Variants in OR2T12 observed in about 807,000 individuals in gnomAD.
OR2T12 encodes olfactory receptor 2T12.
For missense variants in OR2T12, 335 were observed against 404.3 expected, an observed-to-expected ratio of 0.83 and a Z score of 1.47; for synonymous variants, 127 against 160.5, an observed-to-expected ratio of 0.79 and a Z score of 1.58.
At chr1:248,299,046 G>C (rs1350088188) in intron 2 of OR2T12, among the ~76,000 whole-genome samples, 10 of 152,114 alleles carry the variant, frequency 6.6e-5, no homozygotes, top group Admixed American at 2.6e-4. Context: ...CACTAAACAT[G>C]GAAAGGAACA....
chr1:248,299,742 GCACCA>G (rs1411102770), intron 2 of OR2T12, among the ~76,000 whole-genome samples: 1 of 151,962 alleles, frequency 6.6e-6, no homozygotes, highest in Non-Finnish European at 1.5e-5. Context: ...ATTTTTTTCA[GCACCA>G]CACCACACCT....
At chr1:248,295,768 A>G (rs1659716366) in intron 2 of OR2T12, among the ~76,000 whole-genome samples, 182 bp from the exon 3 acceptor site, 1 of 152,134 alleles carries the variant, frequency 6.6e-6, no homozygotes, top group Non-Finnish European at 1.5e-5. Context: ...CTATAGCTCA[A>G]CTTTTTAATG....
chr1:248,290,200 G>C lies in OR2T12; in HGVS notation c.*4416C>G, dbSNP rs961102050. On this transcript the variant is annotated 3_prime_UTR_variant, in exon 3 of 3. Coordinates refer to ENST00000641276, the MANE Select transcript of OR2T12 (RefSeq NM_001004692.2). ...GAACAGAGGCCTCATAAACAGAAAAGAGGCCTCAGAATTAATGCCATACAA... is the reference window on the plus strand; with the variant it reads ...GAACAGAGGCCTCATAAACAGAAAACAGGCCTCAGAATTAATGCCATACAA... 2.1e-4 allele frequency: 32 copies of C among 151,866 alleles called. No homozygotes were observed. Among genetic ancestry groups the C allele is most frequent in the African/African-American group, 7.7e-4 (32 of 41,322 alleles). The allele number at this position is 151,866 out of a possible 1,614,324, so 9.4% of individuals were successfully genotyped here. A position where few individuals can be genotyped will look rare whatever the true frequency, so the allele number is the denominator to read the frequency against.
rs1409586329 is a variant in OR2T12, at chr1:248,290,245, C to A, written c.*4371G>T. The A allele has an allele frequency of 6.6e-6, 1 of 152,058 alleles. No individual in the cohort carries two copies. The highest frequency in any genetic ancestry group is 1.5e-5 in the Non-Finnish European group (1 of 68,042). 9.4% of individuals were successfully genotyped at this position (152,058 alleles called of 1,614,324 possible). The stretch of plus-strand genomic sequence containing the variant: ...ATACAACCATCTGTTCTTTGACAAC[C>A]CTGACAAAAACAAGCAATGGGGAAA... On this transcript the variant is annotated 3_prime_UTR_variant, in exon 3 of 3. Coordinates refer to ENST00000641276, the MANE Select transcript of OR2T12 (RefSeq NM_001004692.2).
chr1:248,295,787 G>A (rs1477579560), intron 2 of OR2T12, among the ~76,000 whole-genome samples: 1 of 152,108 alleles, frequency 6.6e-6, no homozygotes, highest in African/African-American at 2.4e-5. Flanking sequence ...TGTTCTAACT[G>A]AGATCATGTA....
In OR2T12 at chr1:248,294,691, C is replaced by G. The variant is rs11204625; in HGVS notation, c.888G>C (p.Lys296Asn). The G allele has an allele frequency of 0.18, 293,136 of 1,613,900 alleles. 30,115 individuals are homozygous for G. The highest frequency in any genetic ancestry group is 0.35 in the East Asian group (15,823 of 44,848). Residue 296 changes from lysine (K) to asparagine (N), a missense_variant, in exon 3 of 3, where the codon AAG becomes AAC. Lys to Asn is a moderately conservative substitution (Grantham distance 94, BLOSUM62 0). Transcript: ENST00000641276. The part of the protein sequence containing the change: ...LIYSVRNSEV[K>N]EALKRWLGTC... ...TCCCCAGCCACCGTTTCAGGGCTTCCTTGACCTCACTGTTCCTCACACTGT... is the reference window on the plus strand; with the variant it reads ...TCCCCAGCCACCGTTTCAGGGCTTCGTTGACCTCACTGTTCCTCACACTGT...
Position 248,294,739 on chromosome 1 carries a change from G to A in OR2T12, c.840C>T (p.Thr280=). The change falls in exon 3 of 3, where the codon ACC becomes ACT. Residue 280 remains threonine (T), a synonymous_variant. Coordinates refer to ENST00000641276, the MANE Select transcript of OR2T12 (RefSeq NM_001004692.2). ...TGTAGATGAGGGGATTTAGTAAAGG[G>A]GTGAACATAGTATAGAAGGCTGACA... ...KVVSAFYTMF[T]PLLNPLIYSV... 6.2e-7 allele frequency: 1 copy of A among 1,614,034 alleles called. No individual in the cohort carries two copies. The highest frequency in any genetic ancestry group is 8.5e-7 in the Non-Finnish European group (1 of 1,180,006).
Position 248,293,848 on chromosome 1 carries a change from G to A in OR2T12, c.*768C>T, listed in dbSNP as rs1161745484. 1.3e-5 allele frequency: 2 copies of A among 151,454 alleles called. No homozygotes were observed. Among genetic ancestry groups the A allele is most frequent in the African/African-American group, 2.4e-5 (1 of 41,242 alleles). The allele number at this position is 151,454 out of a possible 1,614,324, so 9.4% of individuals were successfully genotyped here. On this transcript the variant is annotated 3_prime_UTR_variant, in exon 3 of 3. Coordinates refer to ENST00000641276, the MANE Select transcript of OR2T12 (RefSeq NM_001004692.2). ...CAATTACAATGACGCTCTTGGAAAAGATAAATATTACTTATATAAAAAATT... is the reference window on the plus strand; with the variant it reads ...CAATTACAATGACGCTCTTGGAAAAAATAAATATTACTTATATAAAAAATT...
chr1:248,296,457 T>G (rs1659729828), intron 2 of OR2T12, among the ~76,000 whole-genome samples: 1 of 152,226 alleles, frequency 6.6e-6, no homozygotes, highest in Admixed American at 6.5e-5. Flanking sequence ...TTGAACGAGT[T>G]TACAGCCCCA....
rs1659602905 is a variant in OR2T12, at chr1:248,290,295, T to C, written c.*4321A>G. ...AGGATTCCCTATTTAATTCCACTTATGAATGAGAACATGCGGTGTTTGGTT... is the reference window on the plus strand; with the variant it reads ...AGGATTCCCTATTTAATTCCACTTACGAATGAGAACATGCGGTGTTTGGTT... On this transcript the variant is annotated 3_prime_UTR_variant, in exon 3 of 3. Coordinates refer to ENST00000641276, the MANE Select transcript of OR2T12 (RefSeq NM_001004692.2). 6.6e-6 allele frequency: 1 copy of C among 152,184 alleles called. No homozygotes were observed. The highest frequency in any genetic ancestry group is 2.4e-5 in the African/African-American group (1 of 41,438). The allele number at this position is 152,184 out of a possible 1,614,324, so 9.4% of individuals were successfully genotyped here.
rs1441402442 is a variant in OR2T12, at chr1:248,290,917, A to C, written c.*3699T>G. 6.6e-6 allele frequency: 1 copy of C among 151,858 alleles called. No homozygotes were observed. The highest frequency in any genetic ancestry group is 1.9e-4 in the East Asian group (1 of 5,180). The allele number at this position is 151,858 out of a possible 1,614,324, so 9.4% of individuals were successfully genotyped here. A position where few individuals can be genotyped will look rare whatever the true frequency, so the allele number is the denominator to read the frequency against. Reference sequence around the variant, plus strand: ...ATTTCTATAAGGACCAGTGATGATGAGCTTTTTTTCATATATTTCTTGGCC... The same window carrying C: ...ATTTCTATAAGGACCAGTGATGATGCGCTTTTTTTCATATATTTCTTGGCC... On this transcript the variant is annotated 3_prime_UTR_variant, in exon 3 of 3. Transcript: ENST00000641276.
chr1:248,296,643 T>C (rs1404792662), intron 2 of OR2T12, among the ~76,000 whole-genome samples: 1 of 152,206 alleles, frequency 6.6e-6, no homozygotes, highest in East Asian at 1.9e-4. Context: ...TTTGGCTGCA[T>C]AAATGTCTTC....
intron 2 of OR2T12, among the ~76,000 whole-genome samples, chr1:248,296,426 C>A (rs1057423498): frequency 2.0e-5 from 3 of 152,192 alleles, no homozygotes; most frequent in Non-Finnish European, 4.4e-5. Context: ...TGAGGAATTG[C>A]CACACTAACT....
At chr1:248,299,243 A>G (rs1659779242) in intron 2 of OR2T12, among the ~76,000 whole-genome samples, 1 of 152,206 alleles carries the variant, frequency 6.6e-6, no homozygotes, top group Non-Finnish European at 1.5e-5. Flanking sequence ...AGACTGGCAC[A>G]TTGGATAAAG....
At chr1:248,302,007 T>C (rs1471454641) in intron 1 of OR2T12, among the ~76,000 whole-genome samples, 1 of 149,626 alleles carries the variant, frequency 6.7e-6, no homozygotes, top group Non-Finnish European at 1.5e-5. Context: ...AGTGAGATGA[T>C]GGAAAGGAGA....
rs1272904802 is a variant in OR2T12, at chr1:248,294,964, G to A, written c.615C>T (p.Leu205=). The change falls in exon 3 of 3, where the codon CTC becomes CTT. Residue 205 remains leucine, a synonymous_variant. Coordinates refer to ENST00000641276, the MANE Select transcript of OR2T12 (RefSeq NM_001004692.2). ...NAMYICCVLM[L]LVPFSLILSS... ...ACAGGATGAGGGAAAAGGGGACCAG[G>A]AGCATTAACACACAGCAGATGTACA... The A allele has an allele frequency of 2.5e-6, 4 of 1,611,502 alleles. No homozygotes were observed. Among genetic ancestry groups the A allele is most frequent in the Non-Finnish European group, 3.4e-6 (4 of 1,179,804 alleles).
Position 248,294,994 on chromosome 1 carries a change from G to C in OR2T12, c.585C>G (p.Asn195Lys). The C allele has an allele frequency of 6.2e-7, 1 of 1,611,206 alleles. No individual in the cohort carries two copies. The highest frequency in any genetic ancestry group is 2.2e-5 in the East Asian group (1 of 44,854). ...LACADTSVFE[N>K]AMYICCVLML... ...TTAACACACAGCAGATGTACATGGC[G>C]TTTTCGAAGACTGAAGTGTCAGCAC... Residue 195 changes from asparagine to lysine, a missense_variant, in exon 3 of 3, where the codon AAC (asparagine) becomes AAG (lysine). Physicochemically the swap from Asn to Lys is moderately conservative, Grantham distance 94 (BLOSUM62 0). Coordinates refer to ENST00000641276, the MANE Select transcript of OR2T12 (RefSeq NM_001004692.2).
intron 2 of OR2T12, among the ~76,000 whole-genome samples, chr1:248,297,567 C>G (rs1659749295): frequency 6.6e-6 from 1 of 152,228 alleles, no homozygotes; most frequent in African/African-American, 2.4e-5. Context: ...AGAGGTCCTT[C>G]ACGTCCCTTG....
rs892380608 is a variant in OR2T12, at chr1:248,292,868, G to A, written c.*1748C>T. On this transcript the variant is annotated 3_prime_UTR_variant, in exon 3 of 3. Coordinates refer to ENST00000641276, the MANE Select transcript of OR2T12 (RefSeq NM_001004692.2). ...CTTAGTTTACCATTTGTAACTCAAC[G>A]TGTTCTAAAATAATTTCTCTGATGG... 2.0e-5 allele frequency: 3 copies of A among 151,962 alleles called. No homozygotes were observed. Among genetic ancestry groups the A allele is most frequent in the Non-Finnish European group, 2.9e-5 (2 of 67,946 alleles). The allele number at this position is 151,962 out of a possible 1,614,324, so 9.4% of individuals were successfully genotyped here. A position where few individuals can be genotyped will look rare whatever the true frequency, so the allele number is the denominator to read the frequency against.
Sources: gnomAD v4.1 joint callset for allele counts (sites outside exome capture counted in the v4.1 genomes callset) on GRCh38, gnomAD v4.1.1 for gene constraint, MANE v1.5 for transcripts, NCBI Gene and HGNC (gene_info 2026-07-23, HGNC 2026-07-21) for gene names.